The following MACROD2 variants were observed in gnomAD, a reference collection of about 807,000 sequenced individuals.
The protein encoded by MACROD2 is ADP-ribose glycohydrolase MACROD2.
Under a neutral mutation model 70.4 loss-of-function variants are expected in MACROD2, and 36 were observed. That is an observed-to-expected ratio of 0.51 (90% CI 0.39 to 0.68). The LOEUF is 0.68. MACROD2 is among the 30% of genes least tolerant of loss of function. The pLI is 0.00. For missense variants in MACROD2, 496 were observed against 538.4 expected, an observed-to-expected ratio of 0.92 and a Z score of 0.78; for synonymous variants, 172 against 178.8, an observed-to-expected ratio of 0.96 and a Z score of 0.30.
At chr20:14,572,086 A>G (rs887027321) in intron 4 of MACROD2, among the ~76,000 whole-genome samples, 2 of 152,244 alleles carry the variant, frequency 1.3e-5, no homozygotes, top group Admixed American at 1.3e-4. Flanking sequence ...CCTAGATTTT[A>G]TAGTCCTGCT....
chr20:15,167,975 A>G (rs1248081935), intron 5 of MACROD2, among the ~76,000 whole-genome samples: 1 of 152,232 alleles, frequency 6.6e-6, no homozygotes, highest in Admixed American at 6.5e-5. Flanking sequence ...TACGAAGTAT[A>G]CAAGGTCTTT....
intron 8 of MACROD2, among the ~76,000 whole-genome samples, chr20:15,508,065 C>T (rs948219731): frequency 3.9e-5 from 6 of 152,134 alleles, no homozygotes; most frequent in Admixed American, 2.0e-4. Context: ...TTATTTCCTC[C>T]CAGTAGGGGA....
chr20:14,734,136 T>A (rs2071629756), intron 5 of MACROD2, among the ~76,000 whole-genome samples: 2 of 152,042 alleles, frequency 1.3e-5, no homozygotes, highest in South Asian at 4.1e-4. Flanking sequence ...TGAAAACATA[T>A]CCCTCCCCAC....
At position 15,293,987 on chromosome 20, in the gene MACROD2, A is replaced by C. The variant is rs540414883; in HGVS notation, c.540+63926A>C. Among the ~76,000 whole-genome samples the C allele has an allele frequency of 2.0e-5, 3 of 151,920 alleles. No individual in the cohort carries two copies. In the East Asian group the frequency reaches 5.8e-4, roughly 29 times the overall value. ...ACAAAAAAATTAGCTGGGCGTGGTG[A>C]TGGGCACCTGTAACCCCAGCTACTT... On this transcript the variant is annotated intron_variant, in intron 6 of 17. Coordinates refer to ENST00000684519, the MANE Select transcript of MACROD2 (RefSeq NM_001351661.2).
chr20:14,136,458 T>C (rs2054799331), intron 3 of MACROD2, among the ~76,000 whole-genome samples: 1 of 152,186 alleles, frequency 6.6e-6, no homozygotes, highest in Non-Finnish European at 1.5e-5. Context: ...AATTATTTAG[T>C]TTTTCTTAGC....
intron 8 of MACROD2, among the ~76,000 whole-genome samples, chr20:15,603,030 G>T (rs889646097): frequency 1.3e-5 from 2 of 152,036 alleles, no homozygotes; most frequent in African/African-American, 4.8e-5. Flanking sequence ...GGCATGTGAG[G>T]GGGAGGCTTT....
intron 5 of MACROD2, among the ~76,000 whole-genome samples, chr20:14,975,902 G>A (rs1003069079): frequency 1.3e-5 from 2 of 152,156 alleles, no homozygotes; most frequent in African/African-American, 2.4e-5. Context: ...GCGAAGTTAT[G>A]GACGTATTTG....
At chr20:15,674,334 G>A (rs1409084479) in intron 8 of MACROD2, among the ~76,000 whole-genome samples, 1 of 152,164 alleles carries the variant, frequency 6.6e-6, no homozygotes, top group Non-Finnish European at 1.5e-5. Flanking sequence ...GTTGCAGCCT[G>A]CAGGATGCAG....
intron 5 of MACROD2, among the ~76,000 whole-genome samples, chr20:14,886,511 C>T (rs1275404319): frequency 6.6e-6 from 1 of 152,152 alleles, no homozygotes; most frequent in Non-Finnish European, 1.5e-5. Context: ...ATCCCCTTCA[C>T]ATCCCAAATC....
chr20:15,305,174 C>T (rs1225149028), intron 6 of MACROD2, among the ~76,000 whole-genome samples: 1 of 152,122 alleles, frequency 6.6e-6, no homozygotes, highest in Non-Finnish European at 1.5e-5. Flanking sequence ...CTCGTGTTCT[C>T]ATCTGTTCAT....
At chr20:15,892,032 A>C (rs1300044456) in intron 10 of MACROD2, among the ~76,000 whole-genome samples, 1 of 152,180 alleles carries the variant, frequency 6.6e-6, no homozygotes, top group African/African-American at 2.4e-5. Context: ...GGATACAACC[A>C]GCTCATGAAA....
intron 5 of MACROD2, among the ~76,000 whole-genome samples, chr20:15,089,660 C>T (rs573601566): frequency 4.6e-5 from 7 of 152,238 alleles, no homozygotes; most frequent in South Asian, 2.1e-4. Context: ...AACTCCTTTA[C>T]GCTCTGTACC....
At chr20:15,502,271 G>A (rs902807109) in intron 8 of MACROD2, among the ~76,000 whole-genome samples, 1 of 152,106 alleles carries the variant, frequency 6.6e-6, no homozygotes, top group African/African-American at 2.4e-5. Flanking sequence ...GCCATACAGA[G>A]GTCTTGAGTT....
intron 8 of MACROD2, among the ~76,000 whole-genome samples, chr20:15,695,423 T>TTTTG: frequency 6.6e-6 from 1 of 151,252 alleles, no homozygotes; most frequent in East Asian, 1.9e-4. Flanking sequence ...TTTTTTTTTT[T>TTTTG]TGGAGACAGA....
At chr20:15,008,040 C>T (rs1404085071) in intron 5 of MACROD2, among the ~76,000 whole-genome samples, 1 of 152,174 alleles carries the variant, frequency 6.6e-6, no homozygotes, top group Non-Finnish European at 1.5e-5. Context: ...ATCAAACTCC[C>T]TATCAAATTC....
chr20:15,568,292 G>A (rs1041158569), intron 8 of MACROD2, among the ~76,000 whole-genome samples: 14 of 152,206 alleles, frequency 9.2e-5, no homozygotes, highest in Non-Finnish European at 1.8e-4. Context: ...GGCCTTCAGG[G>A]TAGAGGACAC....
chr20:14,883,762 T>C (rs2122476866), intron 5 of MACROD2, among the ~76,000 whole-genome samples: 1 of 152,188 alleles, frequency 6.6e-6, no homozygotes, highest in South Asian at 2.1e-4. Context: ...ACCAATAACT[T>C]AGGCACTTCC....
intron 3 of MACROD2, among the ~76,000 whole-genome samples, chr20:14,090,626 C>T (rs2054135770): frequency 6.6e-6 from 1 of 151,648 alleles, no homozygotes; most frequent in African/African-American, 2.4e-5. Context: ...TATATCCACC[C>T]ATCTGCCTCC....
chr20:14,049,843 G>C (rs2053539789), intron 2 of MACROD2, among the ~76,000 whole-genome samples: 1 of 151,988 alleles, frequency 6.6e-6, no homozygotes, highest in South Asian at 2.1e-4. Flanking sequence ...CAGCTCTTTG[G>C]GAGGCCGAGG....
Sources: allele counts gnomAD v4.1 joint callset (sites outside exome capture counted in the v4.1 genomes callset), GRCh38; gene constraint gnomAD v4.1.1; transcripts MANE v1.5; gene names NCBI Gene and HGNC (gene_info 2026-07-23, HGNC 2026-07-21).